CNP: variants seen among roughly 807,000 people sequenced by gnomAD.
CNP encodes 2',3'-cyclic-nucleotide 3'-phosphodiesterase.
CNP carries 8 observed loss-of-function variants against 37.9 expected under a neutral mutation model. The observed-to-expected ratio is 0.21, with a 90% CI of 0.12 to 0.38. The LOEUF (loss-of-function observed/expected upper bound fraction) is 0.38. CNP is among the 10% of genes least tolerant of loss of function. CNP has a pLI of 1.00. For missense variants in CNP, 457 were observed against 551.0 expected (o/e 0.83, Z 1.71); for synonymous variants, 237 against 238.3 (o/e 0.99, Z 0.05).
At position 41,971,985 on chromosome 17, in the gene CNP, G is replaced by A; in HGVS notation, c.770G>A (p.Cys257Tyr). Residue 257 changes from cysteine to tyrosine, a missense_variant, in exon 3 of 4, where the codon TGT becomes TAT. Transcript: ENST00000393892. Reference protein sequence around the residue: ...PGVLHCTTKFCDYGKAPGAEE... With the variant: ...PGVLHCTTKFYDYGKAPGAEE... ...GTGCTGCATTGCACAACCAAGTTTT[G>A]TGACTACGGGAAGGCTCCCGGGGCA... The A allele has an allele frequency of 6.2e-7, 1 of 1,613,940 alleles. No individual in the cohort carries two copies. The highest frequency in any genetic ancestry group is 8.5e-7 in the Non-Finnish European group (1 of 1,179,962).
In CNP at chr17:41,966,824, G is replaced by T; in HGVS notation, c.-61G>T. The T allele has an allele frequency of 2.2e-6, 3 of 1,381,560 alleles. No individual in the cohort carries two copies. Among genetic ancestry groups the T allele is most frequent in the Non-Finnish European group, 2.8e-6 (3 of 1,069,220 alleles). 85.6% of individuals were successfully genotyped at this position (1,381,560 alleles called of 1,614,324 possible). ...CTGGACTCCCGTGTCCCTCCGCGCA[G>T]GCGGGCGGCCCCGGAGCGCTGGTGC... On this transcript the variant is annotated 5_prime_UTR_variant, in exon 1 of 4. In the 5' UTR this introduces an upstream ATG that the reference lacks. Transcript: ENST00000393892.
chr17:41,967,060 G>T, intron 1 of CNP, 173 bp downstream of exon 1: 2 of 688,006 alleles, frequency 2.9e-6, no homozygotes. Context: ...GGGGTTTTGG[G>T]GTGCCGGAGA....
At chr17:41,973,387 T>C (rs1467167269) in intron 3 of CNP, 88 bp from the exon 4 acceptor site, 1 of 1,265,442 alleles carries the variant, frequency 7.9e-7, no homozygotes, top group Non-Finnish European at 1.1e-6. Flanking sequence ...CTTCCCCTTC[T>C]CTCCTCCAGG....
intron 1 of CNP, chr17:41,967,797 A>G: frequency 7.8e-7 from 1 of 1,276,036 alleles, no homozygotes; most frequent in Non-Finnish European, 9.9e-7. Flanking sequence ...CCAGAACCGC[A>G]GGCTCCTGGC....
rs781918669 is a variant in CNP, at chr17:41,968,031, A to G, written c.4-37A>G. On this transcript the variant is annotated intron_variant, in intron 1 of 3. Coordinates refer to ENST00000393892, the MANE Select transcript of CNP (RefSeq NM_033133.5). This position sits in a 1 kb window ranked among gnomAD's most constrained non-coding sequence, Gnocchi z 4.8. ...GGTAAGGCCGGCGGGGAGCCCGCGA[A>G]TGACCTGGGCTGACATCTCTTCCCC... 4.4e-6 allele frequency: 7 copies of G among 1,581,110 alleles called. No individual in the cohort carries two copies. In the Admixed American group the frequency reaches 1.2e-4, roughly 27 times the overall value.
intron 2 of CNP, among the ~76,000 whole-genome samples, chr17:41,969,061 G>A (rs1420463172): frequency 6.6e-6 from 1 of 152,172 alleles, no homozygotes; most frequent in Non-Finnish European, 1.5e-5. Context: ...ACAAATTACT[G>A]TAGTAACAGG....
In CNP at chr17:41,973,708, G is replaced by C; in HGVS notation, c.1050G>C (p.Glu350Asp). ...EAVQTGLDLL[E>D]ILRQEKGGSR... is the part of the protein sequence containing the mutation. ...TGCAGACGGGCCTTGACCTCTTAGA[G>C]ATTCTGCGGCAGGAGAAGGGGGGCA... The change falls in exon 4 of 4, where the codon GAG (glutamate) becomes GAC (aspartate). Residue 350 changes from glutamate to aspartate, a missense_variant. Around this residue, in one of 2 missense-constraint regions of CNP, gnomAD observed 291 missense variants for 291.7 expected, o/e 1.00. Coordinates refer to ENST00000393892, the MANE Select transcript of CNP (RefSeq NM_033133.5). The C allele has an allele frequency of 6.2e-7, 1 of 1,612,460 alleles. No individual in the cohort carries two copies. The highest frequency in any genetic ancestry group is 8.5e-7 in the Non-Finnish European group (1 of 1,178,914).
chr17:41,977,197 C>G lies in CNP; in HGVS notation c.*3273C>G. 6.6e-7 allele frequency: 1 copy of G among 1,512,146 alleles called. No homozygotes were observed. The allele number at this position is 1,512,146 out of a possible 1,614,324, so 93.7% of individuals were successfully genotyped here. Reference sequence around the variant, plus strand: ...GCCCCTCTGACTCCCAAAGAGCTGCCTAAGAGGCAATGAGTGTGTTGGCTT... The same window carrying G: ...GCCCCTCTGACTCCCAAAGAGCTGCGTAAGAGGCAATGAGTGTGTTGGCTT... On this transcript the variant is annotated 3_prime_UTR_variant, in exon 4 of 4. Coordinates refer to ENST00000393892, the MANE Select transcript of CNP (RefSeq NM_033133.5).
intron 3 of CNP, 43 bp downstream of exon 3, chr17:41,972,074 G>A (rs1555643919): frequency 6.2e-7 from 1 of 1,605,844 alleles, no homozygotes; most frequent in East Asian, 2.2e-5. Context: ...GGGAGGTTGG[G>A]GGAGAAGGGG....
rs782750199 is a variant in CNP at position 41,968,056 on chromosome 17, C to G, written c.4-12C>G. 1.9e-6 allele frequency: 3 copies of G among 1,602,170 alleles called. No individual in the cohort carries two copies. Among genetic ancestry groups the G allele is most frequent in the African/African-American group, 1.3e-5 (1 of 74,744 alleles). On this transcript the variant is annotated splice_polypyrimidine_tract_variant and intron_variant, in intron 1 of 3. Coordinates refer to ENST00000393892, the MANE Select transcript of CNP (RefSeq NM_033133.5). The surrounding 1 kb of genome is among the most constrained non-coding windows in gnomAD (Gnocchi z 4.8). ...ATGACCTGGGCTGACATCTCTTCCC[C>G]TCCTTACACAGAACAGAGGCTTCTC...
chr17:41,969,484 T>C (rs2050952839), intron 2 of CNP, among the ~76,000 whole-genome samples: 1 of 152,002 alleles, frequency 6.6e-6, no homozygotes, highest in Non-Finnish European at 1.5e-5. Flanking sequence ...TCTCCTGGAG[T>C]GACCTGTTGG....
Position 41,977,105 on chromosome 17 carries a change from C to A in CNP, c.*3181C>A, listed in dbSNP as rs573545446. On this transcript the variant is annotated 3_prime_UTR_variant, in exon 4 of 4. Transcript: ENST00000393892. ...GGGTGCCTGGGAACCTTCCTGTCTTCATCCTTAGCAACAGCCGAGTGGATA... is the reference window on the plus strand; with the variant it reads ...GGGTGCCTGGGAACCTTCCTGTCTTAATCCTTAGCAACAGCCGAGTGGATA... 1.0e-5 allele frequency: 8 copies of A among 798,854 alleles called. No homozygotes were observed. In the African/African-American group the frequency reaches 1.4e-4, roughly 14 times the overall value. The allele number at this position is 798,854 out of a possible 1,614,324, so 49.5% of individuals were successfully genotyped here.
Position 41,968,331 on chromosome 17 carries a change from C to T in CNP, c.267C>T (p.Thr89=). ...KMVSADAYKI[T]PGARGAFSEE... ...TGTCGGCTGACGCTTACAAGATCAC[C>T]CCCGGCGCTCGAGGAGCCTTCTCCG... The change falls in exon 2 of 4, where the codon ACC becomes ACT. Residue 89 remains threonine (T), a synonymous_variant. Transcript: ENST00000393892. This position sits in a 1 kb window ranked among gnomAD's most constrained non-coding sequence, Gnocchi z 4.8. 1.2e-6 allele frequency: 2 copies of T among 1,614,112 alleles called. No homozygotes were observed. Among genetic ancestry groups the T allele is most frequent in the Non-Finnish European group, 1.7e-6 (2 of 1,179,996 alleles).
chr17:41,976,781 A>G lies in CNP; in HGVS notation c.*2857A>G. 6.2e-7 allele frequency: 1 copy of G among 1,610,064 alleles called. No individual in the cohort carries two copies. The highest frequency in any genetic ancestry group is 8.5e-7 in the Non-Finnish European group (1 of 1,179,180). Reference sequence around the variant, plus strand: ...TCCCTGGACCAGATGCTGAAAGAGAAAAGAGGGGTTGGTAGTTGGCTATGG... The same window carrying G: ...TCCCTGGACCAGATGCTGAAAGAGAGAAGAGGGGTTGGTAGTTGGCTATGG... On this transcript the variant is annotated 3_prime_UTR_variant, in exon 4 of 4. Transcript: ENST00000393892.
intron 2 of CNP, chr17:41,971,123 TGATA>T (rs1242887692): frequency 2.0e-5 from 3 of 152,224 alleles, no homozygotes; most frequent in Non-Finnish European, 2.9e-5. Flanking sequence ...TGTGCTGGAT[TGATA>T]GATAGGGTTG....
rs370341204 is a variant in CNP, at chr17:41,972,022, T to C, written c.807T>C (p.Ala269=). Residue 269 remains alanine, a synonymous_variant, in exon 3 of 4, where the codon GCT becomes GCC. Transcript: ENST00000393892. ...AGGCTCCCGGGGCAGAGGAGTACGC[T>C]CAACAAGATGTGAGTCTTCCCCAGG... ...YGKAPGAEEY[A]QQDVLKKSYS... 4 of 1,613,580 alleles carry C rather than the reference T, an allele frequency of 2.5e-6. No individual in the cohort carries two copies. The African/African-American group carries it at 4.0e-5, about 16-fold the overall frequency.
rs1598109329 is a variant in CNP, at chr17:41,976,725, G to A, written c.*2801G>A. The A allele has an allele frequency of 6.2e-7, 1 of 1,610,100 alleles. No individual in the cohort carries two copies. Among genetic ancestry groups the A allele is most frequent in the Non-Finnish European group, 8.5e-7 (1 of 1,179,218 alleles). ...TGCATTTTCTGGGTTCTGGGTGGTTGCCCTTCATTAGCCAAATTGAAAAAA... is the reference window on the plus strand; with the variant it reads ...TGCATTTTCTGGGTTCTGGGTGGTTACCCTTCATTAGCCAAATTGAAAAAA... On this transcript the variant is annotated 3_prime_UTR_variant, in exon 4 of 4. Coordinates refer to ENST00000393892, the MANE Select transcript of CNP (RefSeq NM_033133.5).
Position 41,976,970 on chromosome 17 carries a change from A to G in CNP, c.*3046A>G. 1.5e-6 allele frequency: 1 copy of G among 668,476 alleles called. No individual in the cohort carries two copies. Among genetic ancestry groups the G allele is most frequent in the Non-Finnish European group, 2.5e-6 (1 of 398,442 alleles). 41.4% of individuals were successfully genotyped at this position (668,476 alleles called of 1,614,324 possible). ...TTATACATGGGTAGCTTCTGACCTC[A>G]GCATTATCTATATAGTACCTTTGCT... On this transcript the variant is annotated 3_prime_UTR_variant, in exon 4 of 4. Transcript: ENST00000393892.
Position 41,976,813 on chromosome 17 carries a change from T to C in CNP, c.*2889T>C. 1.9e-6 allele frequency: 3 copies of C among 1,597,790 alleles called. No homozygotes were observed. The highest frequency in any genetic ancestry group is 2.6e-6 in the Non-Finnish European group (3 of 1,175,818). ...GGTTGGTAGTTGGCTATGGATTTTC[T>C]AAGGAAGATCACTTTGCTCTGATTA... On this transcript the variant is annotated 3_prime_UTR_variant, in exon 4 of 4. Coordinates refer to ENST00000393892, the MANE Select transcript of CNP (RefSeq NM_033133.5).
Sources: gnomAD v4.1 joint callset for allele counts (sites outside exome capture counted in the v4.1 genomes callset) on GRCh38, gnomAD v4.1.1 for gene constraint, gnomAD v4.1.1 regional missense constraint, Gnocchi (gnomAD v3.1) non-coding constraint, MANE v1.5 for transcripts, NCBI Gene and HGNC (gene_info 2026-07-23, HGNC 2026-07-21) for gene names.